PHF21A: variants seen among roughly 807,000 people sequenced by gnomAD.
PHF21A encodes the protein BHC80a.
A neutral mutation model predicts 82.5 loss-of-function variants in PHF21A; 11 were observed. The observed-to-expected ratio is 0.13, with a 90% confidence interval of 0.08 to 0.22. The LOEUF is 0.22. Ranked by LOEUF, PHF21A falls within the 10% of genes least tolerant of loss-of-function variation. The pLI, the probability that PHF21A is intolerant of heterozygous loss-of-function variation, is 1.00. For missense variants in PHF21A, 579 were observed against 837.8 expected (o/e 0.69, Z 3.81); for synonymous variants, 297 against 302.8 (o/e 0.98, Z 0.20).
intron 9 of PHF21A, among the ~76,000 whole-genome samples, chr11:45,967,758 T>C (rs1045121014): frequency 3.3e-5 from 5 of 152,234 alleles, no homozygotes; most frequent in African/African-American, 1.2e-4. Flanking sequence ...TCGGTATGAA[T>C]GTCTGACTGA....
rs59583388 is a variant in PHF21A, at chr11:45,968,931, C to CAA, written c.702+882_702+883dup. Among the ~76,000 whole-genome samples, 135 of 85,620 alleles carry CAA rather than the reference C, an allele frequency of 1.6e-3. 2 individuals are homozygous for CAA. Among genetic ancestry groups the CAA allele is most frequent in the Middle Eastern group, 8.8e-3 (1 of 114 alleles). The allele number at this position is 85,620 out of a possible 152,430, so 56.2% of individuals were successfully genotyped here. A position where few individuals can be genotyped will look rare whatever the true frequency, so the allele number is the denominator to read the frequency against. On this transcript the variant is annotated intron_variant, in intron 9 of 18. Coordinates refer to ENST00000676320, the MANE Select transcript of PHF21A (RefSeq NM_001352027.3). ...GTGCGATGGGAGCGAAACTCCATTG[C>CAA]AAAAAAAAAAAAAAAAAAAAAAAAA...
intron 5 of PHF21A, among the ~76,000 whole-genome samples, chr11:46,078,815 G>A (rs1244300253): frequency 6.6e-6 from 1 of 152,024 alleles, no homozygotes; most frequent in Non-Finnish European, 1.5e-5. Flanking sequence ...CAAAAACTCT[G>A]ATTTTGAATA....
intron 6 of PHF21A, among the ~76,000 whole-genome samples, chr11:46,063,748 T>C (rs949689696): frequency 3.3e-5 from 5 of 152,316 alleles, no homozygotes; most frequent in African/African-American, 1.2e-4. Context: ...TAAAGAGTTA[T>C]ATATAATTTT....
chr11:45,972,125 T>C lies in PHF21A; in HGVS notation c.361-758A>G, dbSNP rs991509415. The stretch of plus-strand genomic sequence containing the variant: ...GAACTGCTGCAGAAGTGATCAAAGA[T>C]GCAATGAAACATGACAAGGTGAAAA... On this transcript the variant is annotated intron_variant, in intron 7 of 18. Coordinates refer to ENST00000676320, the MANE Select transcript of PHF21A (RefSeq NM_001352027.3). Among the ~76,000 whole-genome samples the C allele has an allele frequency of 2.0e-5, 3 of 151,872 alleles. 1 individual carries two copies. In the South Asian group the frequency reaches 6.2e-4, roughly 32 times the overall value.
chr11:45,963,561 T>C (rs144643799), intron 10 of PHF21A, among the ~76,000 whole-genome samples: 1,707 of 152,312 alleles, frequency 0.011, 29 homozygotes, highest in African/African-American at 0.039. Context: ...CCTTCTACAA[T>C]TTATATTTTT....
intron 6 of PHF21A, among the ~76,000 whole-genome samples, chr11:46,005,994 C>T (rs367940260): frequency 2.8e-4 from 42 of 152,180 alleles, no homozygotes; most frequent in African/African-American, 9.6e-4. Context: ...TGTGGAAAAG[C>T]ACAATTTTAA....
chr11:45,963,993 GT>G (rs1010294722), intron 10 of PHF21A, among the ~76,000 whole-genome samples: 19 of 152,118 alleles, frequency 1.2e-4, no homozygotes, highest in African/African-American at 4.3e-4. Context: ...GAGGTTGGGA[GT>G]TTGAGATCAG....
At chr11:46,109,111 T>C (rs189357689) in intron 1 of PHF21A, among the ~76,000 whole-genome samples, 3 of 152,198 alleles carry the variant, frequency 2.0e-5, no homozygotes, top group Non-Finnish European at 4.4e-5. Context: ...TAGGTATCTA[T>C]GGGAATTACA....
At chr11:45,968,075 G>A (rs969884221) in intron 9 of PHF21A, among the ~76,000 whole-genome samples, 3 of 152,160 alleles carry the variant, frequency 2.0e-5, no homozygotes, top group African/African-American at 7.2e-5. Flanking sequence ...TAGGGTTGTT[G>A]TAACAATTAA....
At position 46,108,860 on chromosome 11, in the gene PHF21A, A is replaced by C. The variant is rs946411934; in HGVS notation, c.-237+12075T>G. Among the ~76,000 whole-genome samples, 7 of 152,306 alleles carry C rather than the reference A, an allele frequency of 4.6e-5. No individual in the cohort carries two copies. In the South Asian group the frequency reaches 6.2e-4, roughly 14 times the overall value. Reference sequence around the variant, plus strand: ...TGCTTTATAAAGTGCCCAACTTCCAAACTTTAAGAAATAGCTATTAGACCC... The same window carrying C: ...TGCTTTATAAAGTGCCCAACTTCCACACTTTAAGAAATAGCTATTAGACCC... On this transcript the variant is annotated intron_variant, in intron 1 of 18. Transcript: ENST00000676320.
chr11:46,060,524 A>C (rs2096522034), intron 6 of PHF21A, among the ~76,000 whole-genome samples: 1 of 152,222 alleles, frequency 6.6e-6, no homozygotes, highest in Non-Finnish European at 1.5e-5. Flanking sequence ...TTTCTAAGTA[A>C]ATTCTAACCA....
At chr11:46,068,423 G>A (rs1321253380) in intron 6 of PHF21A, among the ~76,000 whole-genome samples, 2 of 152,158 alleles carry the variant, frequency 1.3e-5, no homozygotes, top group African/African-American at 2.4e-5. Flanking sequence ...TGATATAGTA[G>A]AGAGGTGGTG....
At chr11:46,002,496 T>C (rs1284371965) in intron 6 of PHF21A, among the ~76,000 whole-genome samples, 5 of 152,188 alleles carry the variant, frequency 3.3e-5, no homozygotes, top group Admixed American at 6.5e-5. Context: ...CAGCAAATAC[T>C]TCTGGGCTTT....
chr11:45,946,058 G>A, intron 14 of PHF21A, 55 bp from the exon 15 acceptor site: 2 of 1,608,414 alleles, frequency 1.2e-6, no homozygotes, highest in Non-Finnish European at 1.7e-6. Flanking sequence ...AAGAGAGGGG[G>A]AAAATGATCT....
intron 3 of PHF21A, among the ~76,000 whole-genome samples, chr11:46,085,097 G>A (rs1394934118): frequency 6.6e-6 from 1 of 152,162 alleles, no homozygotes; most frequent in African/African-American, 2.4e-5. Context: ...ATAAAAAACA[G>A]AGAAACTCAA....
At chr11:46,106,185 A>G (rs2097150189) in intron 1 of PHF21A, among the ~76,000 whole-genome samples, 1 of 152,172 alleles carries the variant, frequency 6.6e-6, no homozygotes, top group African/African-American at 2.4e-5. Context: ...TTACTAAAAG[A>G]TATTTTCATT....
chr11:45,956,172 G>C (rs1341479605), intron 10 of PHF21A, among the ~76,000 whole-genome samples: 4 of 152,024 alleles, frequency 2.6e-5, no homozygotes, highest in Non-Finnish European at 5.9e-5. Flanking sequence ...ATGTTAAAGG[G>C]AGTCCCTTCA....
intron 6 of PHF21A, among the ~76,000 whole-genome samples, chr11:45,983,557 T>C (rs2094384795): frequency 6.6e-6 from 1 of 152,146 alleles, no homozygotes; most frequent in Non-Finnish European, 1.5e-5. Flanking sequence ...CACTTAAATA[T>C]AGATGACTGC....
intron 15 of PHF21A, among the ~76,000 whole-genome samples, chr11:45,938,739 C>T (rs1160541221): frequency 6.6e-6 from 1 of 152,040 alleles, no homozygotes; most frequent in Non-Finnish European, 1.5e-5. Flanking sequence ...CTTCTTTTTT[C>T]TTTCTCAAAA....
Sources: allele counts gnomAD v4.1 joint callset (sites outside exome capture counted in the v4.1 genomes callset), GRCh38; gene constraint gnomAD v4.1.1; transcripts MANE v1.5; gene names NCBI Gene and HGNC (gene_info 2026-07-23, HGNC 2026-07-21).